Variants in ZFAND6 observed in about 807,000 individuals in gnomAD.
ZFAND6 encodes zinc finger AN1-type containing 6, also known as AN1-type zinc finger protein 6.
A neutral mutation model predicts 24.5 loss-of-function variants in ZFAND6; 12 were observed. That is an observed-to-expected ratio of 0.49 (90% confidence interval 0.31 to 0.79). ZFAND6 has a LOEUF of 0.79. Among genes scored for constraint, ZFAND6 ranks in the 30% least tolerant of loss-of-function variants. The probability of loss-of-function intolerance (pLI) is 0.04; values close to 1 mark genes in which losing one functional copy is unlikely to be tolerated. For synonymous variants in ZFAND6, 92 were observed against 81.5 expected, an observed-to-expected ratio of 1.13 and a Z score of -0.69; for missense variants, 207 against 245.9, an observed-to-expected ratio of 0.84 and a Z score of 1.06.
At chr15:80,135,676 C>T (rs2040829042) in intron 6 of ZFAND6, among the ~76,000 whole-genome samples, 1 of 152,240 alleles carries the variant, frequency 6.6e-6, no homozygotes. Context: ...TGGCTCACAC[C>T]TATAATCCCA....
chr15:80,086,445 A>G lies in ZFAND6; in HGVS notation c.-180-11971A>G, dbSNP rs949470282. ...TATAAAGTTATGTTGTTACTACCACAATCCACTTTTAGAACATTTCTGTCA... is the reference window on the plus strand; with the variant it reads ...TATAAAGTTATGTTGTTACTACCACGATCCACTTTTAGAACATTTCTGTCA... On this transcript the variant is annotated intron_variant, in intron 1 of 6. Transcript: ENST00000261749. Among the ~76,000 whole-genome samples the G allele has an allele frequency of 3.9e-5, 6 of 152,364 alleles. No homozygotes were observed. In the East Asian group the frequency reaches 9.6e-4, roughly 24 times the overall value.
chr15:80,094,156 A>C (rs2038565821), intron 1 of ZFAND6, among the ~76,000 whole-genome samples: 1 of 152,204 alleles, frequency 6.6e-6, no homozygotes, highest in Non-Finnish European at 1.5e-5. Flanking sequence ...TTATTTTGCA[A>C]TAATTCAAAT....
chr15:80,101,817 G>T (rs1014365237), intron 2 of ZFAND6, among the ~76,000 whole-genome samples: 1 of 146,858 alleles, frequency 6.8e-6, no homozygotes, highest in African/African-American at 2.6e-5. Flanking sequence ...TTTTGAGACG[G>T]AGTCTTGCTC....
At chr15:80,133,083 A>G (rs2040685041) in intron 6 of ZFAND6, among the ~76,000 whole-genome samples, 1 of 152,178 alleles carries the variant, frequency 6.6e-6, no homozygotes, top group African/African-American at 2.4e-5. Flanking sequence ...GCTATAAAAA[A>G]AGGCATACTA....
Position 80,121,828 on chromosome 15 carries a change from G to A in ZFAND6, c.263+8G>A. 5.6e-6 allele frequency: 9 copies of A among 1,605,998 alleles called. No individual in the cohort carries two copies. The highest frequency in any genetic ancestry group is 2.2e-5 in the East Asian group (1 of 44,776). ...TTCATCTATGCAGCCCAGGTAAGAT[G>A]TACTCTCTGAATTCTAATGAGAATG... On this transcript the variant is annotated splice_region_variant and intron_variant, in intron 4 of 6. Coordinates refer to ENST00000261749, the MANE Select transcript of ZFAND6 (RefSeq NM_019006.4).
intron 1 of ZFAND6, among the ~76,000 whole-genome samples, chr15:80,087,475 C>A (rs1002443598): frequency 2.6e-5 from 4 of 152,206 alleles, no homozygotes; most frequent in African/African-American, 9.6e-5. Flanking sequence ...CATTCCAATG[C>A]TCATTCTCCT....
intron 5 of ZFAND6, among the ~76,000 whole-genome samples, chr15:80,127,574 G>A (rs2903266): frequency 0.7 from 99,992 of 143,508 alleles, 34,706 homozygotes; most frequent in Admixed American, 0.8. Flanking sequence ...TGGGCAAAAG[G>A]GCAAAACTCC....
intron 1 of ZFAND6, among the ~76,000 whole-genome samples, chr15:80,086,897 A>G (rs2038040008): frequency 6.6e-6 from 1 of 152,248 alleles, no homozygotes; most frequent in African/African-American, 2.4e-5. Flanking sequence ...TATTTCACGT[A>G]AGTGGAATCA....
At chr15:80,064,044 T>G (rs775165524) in intron 1 of ZFAND6, among the ~76,000 whole-genome samples, 1 of 152,252 alleles carries the variant, frequency 6.6e-6, no homozygotes, top group Non-Finnish European at 1.5e-5. Flanking sequence ...GTTACCCACA[T>G]GGACAGTTCC....
intron 1 of ZFAND6, chr15:80,075,340 G>A (rs2037211334): frequency 8.8e-6 from 2 of 228,148 alleles, no homozygotes; most frequent in South Asian, 9.1e-5. Flanking sequence ...TGTAGTGAAA[G>A]TTTAGCTGTT....
chr15:80,132,800 A>C (rs2040668151), intron 6 of ZFAND6, among the ~76,000 whole-genome samples: 2 of 152,234 alleles, frequency 1.3e-5, no homozygotes. Flanking sequence ...GAAGAAGAGA[A>C]AAGTCTGACA....
upstream of ZFAND6, chr15:80,059,599 CAGCCGCGGG>C (rs1343533009): frequency 6.6e-6 from 1 of 152,190 alleles, no homozygotes; most frequent in Non-Finnish European, 1.5e-5. Context: ...GCCCGCGCGT[CAGCCGCGGG>C]AGCCGGCCAA....
At chr15:80,101,404 A>C (rs2039021471) in intron 2 of ZFAND6, among the ~76,000 whole-genome samples, 1 of 152,150 alleles carries the variant, frequency 6.6e-6, no homozygotes, top group Admixed American at 6.5e-5. Context: ...CAGAGGTTGC[A>C]CTGAGTGGAA....
At chr15:80,118,039 T>C (rs1025350749) in intron 2 of ZFAND6, among the ~76,000 whole-genome samples, 2 of 152,118 alleles carry the variant, frequency 1.3e-5, no homozygotes, top group African/African-American at 4.8e-5. Context: ...TGTGTGTATA[T>C]GTATGTATAT....
intron 2 of ZFAND6, among the ~76,000 whole-genome samples, chr15:80,110,784 G>T (rs12911387): frequency 0.52 from 79,542 of 151,982 alleles, 22,703 homozygotes; most frequent in Non-Finnish European, 0.65. Context: ...ATATCCATAT[G>T]GAGAAAAGCA....
intron 1 of ZFAND6, among the ~76,000 whole-genome samples, chr15:80,063,853 A>C (rs62006303): frequency 0.02 from 3,083 of 152,080 alleles, 49 homozygotes; most frequent in Non-Finnish European, 0.032. Context: ...ACCCGGCCTA[A>C]ATTTTTATGT....
chr15:80,128,974 G>A (rs1294162901), intron 5 of ZFAND6, among the ~76,000 whole-genome samples: 1 of 152,182 alleles, frequency 6.6e-6, no homozygotes, highest in East Asian at 1.9e-4. Flanking sequence ...TTGTGATAAT[G>A]TTACTGCCAT....
intron 2 of ZFAND6, among the ~76,000 whole-genome samples, chr15:80,108,315 G>A (rs1368090560): frequency 6.6e-6 from 1 of 152,110 alleles, no homozygotes; most frequent in Non-Finnish European, 1.5e-5. Flanking sequence ...AAAAGGTTTT[G>A]GGTGGAGGGG....
intron 4 of ZFAND6, 54 bp downstream of exon 4, chr15:80,121,874 T>A (rs569509292): frequency 1.4e-6 from 2 of 1,428,702 alleles, no homozygotes; most frequent in South Asian, 2.5e-5. Flanking sequence ...CTAAAGAGTA[T>A]ATTCTGTGTT....
Sources: gnomAD v4.1 joint callset for allele counts (sites outside exome capture counted in the v4.1 genomes callset) on GRCh38, gnomAD v4.1.1 for gene constraint, MANE v1.5 for transcripts, NCBI Gene and HGNC (gene_info 2026-07-23, HGNC 2026-07-21) for gene names.